Variants in GRK4 observed in about 807,000 individuals in gnomAD.
The protein encoded by GRK4 is G protein-coupled receptor kinase 4, also known as G protein-coupled receptor kinase 2-like.
A neutral mutation model predicts 77.9 loss-of-function variants in GRK4; 73 were observed. The observed-to-expected ratio is 0.94, with a 90% confidence interval of 0.78 to 1.14. The LOEUF (loss-of-function observed/expected upper bound fraction) is 1.14, where lower values mean the gene tolerates loss of function less well. Among genes scored for constraint, GRK4 ranks in the 50% most tolerant of loss-of-function variants. The probability of loss-of-function intolerance (pLI) is 0.00; values close to 1 mark genes in which losing one functional copy is unlikely to be tolerated. For synonymous variants in GRK4, 257 were observed against 254.4 expected (o/e 1.01, Z -0.10); for missense variants, 729 against 700.2 (o/e 1.04, Z -0.46).
chr4:3,024,321 G>A (rs1736841105), intron 10 of GRK4, among the ~76,000 whole-genome samples: 1 of 152,110 alleles, frequency 6.6e-6, no homozygotes, highest in African/African-American at 2.4e-5. Context: ...CTACTCACAG[G>A]TGCGATTGTG....
At chr4:2,976,631 C>CTTTTTT (rs769469513) in intron 1 of GRK4, among the ~76,000 whole-genome samples, 85 of 117,300 alleles carry the variant, frequency 7.2e-4, no homozygotes, top group Non-Finnish European at 9.6e-4. Flanking sequence ...TTCTTTCTTT[C>CTTTTTT]TTTTTTTTTT....
intron 10 of GRK4, among the ~76,000 whole-genome samples, chr4:3,023,746 G>T (rs1736697170): frequency 6.6e-6 from 1 of 152,188 alleles, no homozygotes; most frequent in African/African-American, 2.4e-5. Context: ...TTACTGAGTT[G>T]TTAAAAGGCT....
chr4:3,037,085 G>GTA (rs61260232), intron 13 of GRK4, among the ~76,000 whole-genome samples: 7 of 43,228 alleles, frequency 1.6e-4, no homozygotes, highest in African/African-American at 4.9e-4. Context: ...GTGTGTGTAT[G>GTA]TGTGTGTGTG....
chr4:2,981,669 G>A (rs1166815521), intron 1 of GRK4, among the ~76,000 whole-genome samples: 1 of 152,230 alleles, frequency 6.6e-6, no homozygotes, highest in African/African-American at 2.4e-5. Context: ...TGGTCCGTGG[G>A]CGGGCCCAGA....
chr4:3,027,634 C>T (rs1342794090), intron 10 of GRK4, among the ~76,000 whole-genome samples: 2 of 151,912 alleles, frequency 1.3e-5, no homozygotes, highest in African/African-American at 4.8e-5. Flanking sequence ...ATAATAAATC[C>T]AGTGTTTCTG....
Position 3,004,131 on chromosome 4 carries a change from A to G in GRK4, c.340-100A>G, listed in dbSNP as rs1048265015. ...GGTGGCACTTTGACTTTCATTTTAT[A>G]CACTTTGTGTTTCATTTTTTTACAA... On this transcript the variant is annotated intron_variant, in intron 4 of 15. Coordinates refer to ENST00000398052, the MANE Select transcript of GRK4 (RefSeq NM_182982.3). 7 of 887,094 alleles carry G rather than the reference A, an allele frequency of 7.9e-6. No individual in the cohort carries two copies. The Middle Eastern group carries it at 7.3e-4, about 93-fold the overall frequency. 55.0% of individuals were successfully genotyped at this position (887,094 alleles called of 1,614,324 possible). A position where few individuals can be genotyped will look rare whatever the true frequency, so the allele number is the denominator to read the frequency against.
In GRK4 at chr4:3,011,378, C is replaced by T. The variant is rs573386708; in HGVS notation, c.600+1667C>T. Among the ~76,000 whole-genome samples the T allele has an allele frequency of 1.3e-5, 2 of 152,174 alleles. 1 individual carries two copies. The highest frequency in any genetic ancestry group is 1.3e-4 in the Admixed American group (2 of 15,278). On this transcript the variant is annotated intron_variant, in intron 7 of 15. Transcript: ENST00000398052. ...GGCAGATCGCTTGAGCCCAGAAGTT[C>T]CAGATCAGCCTAGGCAACATGGCAA...
intron 13 of GRK4, among the ~76,000 whole-genome samples, chr4:3,037,067 G>GTGTGTGTGTA (rs762555055): frequency 1.1e-5 from 1 of 91,810 alleles, no homozygotes; most frequent in African/African-American, 5.2e-5. Flanking sequence ...GTGTGTGTGT[G>GTGTGTGTGTA]TGTATGTGTG....
At chr4:3,032,849 C>T (rs758620732) in intron 12 of GRK4, among the ~76,000 whole-genome samples, 6 of 152,208 alleles carry the variant, frequency 3.9e-5, no homozygotes, top group Non-Finnish European at 8.8e-5. Context: ...GGGTTAACGA[C>T]GTCACACAGC....
In GRK4 at chr4:2,969,826, C is replaced by T. The variant is rs112755791; in HGVS notation, c.52+5704C>T. On this transcript the variant is annotated intron_variant, in intron 1 of 15. Coordinates refer to ENST00000398052, the MANE Select transcript of GRK4 (RefSeq NM_182982.3). ...CCAAGTGGCTGGGACCACAGGCATG[C>T]GCTGCCATGCACAGATAATTTTGTG... Among the ~76,000 whole-genome samples, 859 of 152,156 alleles carry T rather than the reference C, an allele frequency of 5.6e-3. 4 individuals carry two copies. The highest frequency in any genetic ancestry group is 0.019 in the African/African-American group (799 of 41,502).
At position 3,038,415 on chromosome 4, in the gene GRK4, GAA is replaced by G; in HGVS notation, c.1587_1588del (p.Ser530Ter). On this transcript the variant is annotated frameshift_variant, in exon 15 of 16. Coordinates refer to ENST00000398052, the MANE Select transcript of GRK4 (RefSeq NM_182982.3). LOFTEE classifies it high-confidence loss of function. ...SGCFKDINKSESEEALPLDLD... is the reference protein window; with the variant it reads ...SGCFKDINKSXSEEALPLDLD... Reference sequence around the variant, plus strand: ...GTGTTTCAAAGACATCAACAAAAGTGAAAGTGAGGAAGCTTTGCCATTAGATC... The same window carrying G: ...GTGTTTCAAAGACATCAACAAAAGTGAGTGAGGAAGCTTTGCCATTAGATC... 1 of 1,614,194 alleles carries G rather than the reference GAA, an allele frequency of 6.2e-7. No individual in the cohort carries two copies. The highest frequency in any genetic ancestry group is 8.5e-7 in the Non-Finnish European group (1 of 1,180,020).
intron 4 of GRK4, among the ~76,000 whole-genome samples, chr4:2,994,615 T>G (rs554866446): frequency 1.6e-4 from 25 of 151,928 alleles, no homozygotes; most frequent in Non-Finnish European, 2.2e-4. Flanking sequence ...AAGAAAGAAA[T>G]AATTATAAAG....
chr4:2,975,489 C>T (rs1174597230), intron 1 of GRK4, among the ~76,000 whole-genome samples: 1 of 152,120 alleles, frequency 6.6e-6, no homozygotes, highest in Non-Finnish European at 1.5e-5. Context: ...AGGGAGCCCT[C>T]AGTAGACACT....
rs141637189 is a variant in GRK4 at position 3,019,745 on chromosome 4, C to T, written c.846C>T (p.Pro282=). ...LKFHIYNLGN[P]GFDEQRAVFY... ...TTCACATTTACAACCTGGGCAATCCCGGCTTTGATGAGCAGAGAGCCGTTT... is the reference window on the plus strand; with the variant it reads ...TTCACATTTACAACCTGGGCAATCCTGGCTTTGATGAGCAGAGAGCCGTTT... The change falls in exon 9 of 16, where the codon CCC becomes CCT. Residue 282 remains proline, a synonymous_variant. Transcript: ENST00000398052. The T allele has an allele frequency of 1.8e-5, 29 of 1,614,116 alleles. No individual in the cohort carries two copies. In the African/African-American group the frequency reaches 2.7e-4, roughly 15 times the overall value.
At chr4:3,038,341 T>A (rs34020100) in intron 14 of GRK4, 35 bp from the exon 15 acceptor site, 1 of 1,611,740 alleles carries the variant, frequency 6.2e-7, no homozygotes, top group African/African-American at 1.3e-5. Flanking sequence ...GCAGTTTCTC[T>A]GCGGCTTCTC....
intron 10 of GRK4, 138 bp from the exon 11 acceptor site, chr4:3,027,774 T>C (rs868272802): frequency 1.6e-6 from 1 of 618,566 alleles, no homozygotes; most frequent in Middle Eastern, 3.9e-4. Flanking sequence ...AAATGCCATT[T>C]TACGTTTACT....
At chr4:3,018,074 CTTTTTT>C (rs1259774426) in intron 8 of GRK4, among the ~76,000 whole-genome samples, 4 of 131,754 alleles carry the variant, frequency 3.0e-5, no homozygotes, top group African/African-American at 1.2e-4. Context: ...TTTTCTTTTT[CTTTTTT>C]TTTTTTTTAG....
chr4:2,965,258 C>T (rs1272016020), intron 1 of GRK4: 1 of 702,922 alleles, frequency 1.4e-6, no homozygotes, highest in Admixed American at 2.0e-5. Flanking sequence ...TGCATCCCGC[C>T]ACAAAAGCAT....
chr4:3,038,319 C>T lies in GRK4; in HGVS notation c.1546-57C>T, dbSNP rs759956220. On this transcript the variant is annotated intron_variant, in intron 14 of 15. Coordinates refer to ENST00000398052, the MANE Select transcript of GRK4 (RefSeq NM_182982.3). ...CAGGAGCTGCTGGCACTGGGAGACACCCACTGACCTGGCAGTTTCTCTGCG... is the reference window on the plus strand; with the variant it reads ...CAGGAGCTGCTGGCACTGGGAGACATCCACTGACCTGGCAGTTTCTCTGCG... 51 of 1,604,878 alleles carry T rather than the reference C, an allele frequency of 3.2e-5. 1 individual carries two copies. The highest frequency in any genetic ancestry group is 4.2e-5 in the Non-Finnish European group (49 of 1,173,990).
Sources: gnomAD v4.1 joint callset for allele counts (sites outside exome capture counted in the v4.1 genomes callset) on GRCh38, gnomAD v4.1.1 for gene constraint, MANE v1.5 for transcripts, NCBI Gene and HGNC (gene_info 2026-07-23, HGNC 2026-07-21) for gene names.